SLC2A14: variants seen among roughly 807,000 people sequenced by gnomAD.
SLC2A14 encodes solute carrier family 2 member 14, also known as solute carrier family 2, facilitated glucose transporter member 14.
SLC2A14 carries 13 observed loss-of-function variants against 43.0 expected under a neutral mutation model. The ratio of observed to expected loss-of-function variants is 0.30; its 90% CI spans 0.20 to 0.48. SLC2A14 has a LOEUF of 0.48. SLC2A14 is among the 20% of genes least tolerant of loss of function. SLC2A14 has a pLI of 0.99. For missense variants in SLC2A14, 428 were observed against 620.4 expected, an observed-to-expected ratio of 0.69 and a Z score of 3.29; for synonymous variants, 190 against 233.8, an observed-to-expected ratio of 0.81 and a Z score of 1.71.
intron 2 of SLC2A14, among the ~76,000 whole-genome samples, chr12:7,841,405 C>A (rs1865935402): frequency 2.0e-5 from 3 of 152,090 alleles, no homozygotes. Context: ...GGATTACAGG[C>A]ACCCATCACC....
chr12:7,823,094 G>A (rs994169186), intron 7 of SLC2A14, among the ~76,000 whole-genome samples: 1 of 152,092 alleles, frequency 6.6e-6, no homozygotes, highest in Non-Finnish European at 1.5e-5. Context: ...TAAAATGTAA[G>A]GTTGCTGGCC....
chr12:7,845,415 T>C (rs1403695932), intron 2 of SLC2A14, among the ~76,000 whole-genome samples: 2 of 152,120 alleles, frequency 1.3e-5, no homozygotes, highest in African/African-American at 4.8e-5. Flanking sequence ...TCGGAAATCA[T>C]CTAGACTAGT....
At chr12:7,873,366 G>C (rs1945343958), upstream of SLC2A14, 7 of 985,222 alleles carry the variant, frequency 7.1e-6, no homozygotes, top group Non-Finnish European at 8.4e-6. Context: ...TTCGGGCCGC[G>C]CACGGTGGCT....
In SLC2A14 at chr12:7,846,404, T is replaced by TA. The variant is rs34368487; in HGVS notation, c.19-13591dup. Among the ~76,000 whole-genome samples the TA allele has an allele frequency of 5.7e-3, 805 of 141,802 alleles. 4 individuals are homozygous for TA. Among genetic ancestry groups the TA allele is most frequent in the African/African-American group, 0.011 (434 of 38,848 alleles). 93.0% of individuals were successfully genotyped at this position (141,802 alleles called of 152,430 possible). ...ACATGAAACAAATCTCATTATTGGT[T>TA]AAAAAAAAAAAAAACTTTATCCTTA... On this transcript the variant is annotated intron_variant, in intron 2 of 10. Coordinates refer to ENST00000431042, the MANE Select transcript of SLC2A14 (RefSeq NM_001286234.2).
At chr12:7,887,153 C>G (rs1945701394) in intron 1 of SLC2A14, among the ~76,000 whole-genome samples, 1 of 151,964 alleles carries the variant, frequency 6.6e-6, no homozygotes, top group African/African-American at 2.4e-5. Context: ...CTCTGGTGAT[C>G]CACCAACCTC....
intron 2 of SLC2A14, among the ~76,000 whole-genome samples, chr12:7,833,156 A>C (rs2376905): frequency 0.82 from 124,318 of 151,754 alleles, 54,097 homozygotes; most frequent in Non-Finnish European, 0.98. Context: ...ACTGGGAGGA[A>C]AGAGGACAAC....
chr12:7,840,299 G>A lies in SLC2A14; in HGVS notation c.19-7485C>T, dbSNP rs147319867. On this transcript the variant is annotated intron_variant, in intron 2 of 10. Transcript: ENST00000431042. ...TGCCCTCACCAAACATCAAACCTGC[G>A]GGTACCTTGAACTTCCCAGCATTCA... Among the ~76,000 whole-genome samples the A allele has an allele frequency of 3.0e-4, 45 of 151,686 alleles. 3 individuals are homozygous for A. In the East Asian group the frequency reaches 8.7e-3, roughly 29 times the overall value.
At chr12:7,887,412 A>G (rs902913954) in intron 1 of SLC2A14, among the ~76,000 whole-genome samples, 2 of 152,068 alleles carry the variant, frequency 1.3e-5, no homozygotes, top group Admixed American at 6.6e-5. Flanking sequence ...CATCTCTAAC[A>G]AGCTCCCAGG....
At chr12:7,876,030 G>C (rs753553084), upstream of SLC2A14, among the ~76,000 whole-genome samples, 2 of 151,698 alleles carry the variant, frequency 1.3e-5, no homozygotes, top group African/African-American at 2.4e-5. Flanking sequence ...TGTAATCCTA[G>C]CACTTCGGGA....
At chr12:7,842,869 C>T (rs1476128607) in intron 2 of SLC2A14, among the ~76,000 whole-genome samples, 1 of 152,006 alleles carries the variant, frequency 6.6e-6, no homozygotes, top group Non-Finnish European at 1.5e-5. Context: ...GCTGTGATTA[C>T]AGCCATGTGC....
intron 2 of SLC2A14, among the ~76,000 whole-genome samples, chr12:7,866,140 G>T (rs1006894405): frequency 1.3e-5 from 2 of 149,956 alleles, no homozygotes; most frequent in African/African-American, 2.5e-5. Flanking sequence ...CAGGAGAATC[G>T]CTGGAACCCA....
chr12:7,845,779 A>C (rs1222443391), intron 2 of SLC2A14, among the ~76,000 whole-genome samples: 1 of 2,264 alleles, frequency 4.4e-4, no homozygotes, highest in Non-Finnish European at 1.8e-3. Flanking sequence ...ACTCCATCTC[A>C]AAAAAAAAAA....
intron 2 of SLC2A14, among the ~76,000 whole-genome samples, chr12:7,853,498 G>A (rs1867107611): frequency 6.6e-6 from 1 of 151,790 alleles, no homozygotes; most frequent in Non-Finnish European, 1.5e-5. Flanking sequence ...TACTTGGGAG[G>A]CTGAGGCAGG....
At chr12:7,838,943 T>C (rs1356628454) in intron 2 of SLC2A14, among the ~76,000 whole-genome samples, 4 of 151,236 alleles carry the variant, frequency 2.6e-5, no homozygotes, top group African/African-American at 9.7e-5. Flanking sequence ...ATTAGGCCTG[T>C]GAATAGAGAA....
chr12:7,882,645 T>C (rs772294521), intron 1 of SLC2A14, among the ~76,000 whole-genome samples: 6 of 152,248 alleles, frequency 3.9e-5, no homozygotes, highest in Non-Finnish European at 8.8e-5. Flanking sequence ...AAGACCAGCC[T>C]GGTCAACATG....
intron 2 of SLC2A14, among the ~76,000 whole-genome samples, chr12:7,833,579 G>A (rs1196086170): frequency 9.2e-5 from 14 of 152,118 alleles, no homozygotes; most frequent in Non-Finnish European, 2.9e-5. Context: ...TCAGGAGTTC[G>A]AGACCAGCCT....
rs771022868 is a variant in SLC2A14, at chr12:7,831,395, A to G, written c.272+209T>C. On this transcript the variant is annotated intron_variant, in intron 4 of 10. Coordinates refer to ENST00000431042, the MANE Select transcript of SLC2A14 (RefSeq NM_001286234.2). ...CAAAGGCCAATCACTCACACAGTTC[A>G]TCTCTTGCACAGCTGGGTGGGAGCT... 5 of 641,544 alleles carry G rather than the reference A, an allele frequency of 7.8e-6. No individual in the cohort carries two copies. In the East Asian group the frequency reaches 1.1e-4, roughly 15 times the overall value. 39.7% of individuals were successfully genotyped at this position (641,544 alleles called of 1,614,324 possible).
chr12:7,884,428 C>T (rs191645116), intron 1 of SLC2A14, among the ~76,000 whole-genome samples: 3 of 152,030 alleles, frequency 2.0e-5, no homozygotes, highest in Non-Finnish European at 2.9e-5. Flanking sequence ...AGTGAAGTGC[C>T]GTAGTGGGGG....
chr12:7,827,172 G>A (rs1592171288), intron 7 of SLC2A14, among the ~76,000 whole-genome samples: 1 of 148,770 alleles, frequency 6.7e-6, no homozygotes, highest in Non-Finnish European at 1.5e-5. Context: ...GTGCAATGGC[G>A]CAATCTCCAC....
Sources: allele counts gnomAD v4.1 joint callset (sites outside exome capture counted in the v4.1 genomes callset), GRCh38; gene constraint gnomAD v4.1.1; transcripts MANE v1.5; gene names NCBI Gene and HGNC (gene_info 2026-07-23, HGNC 2026-07-21).